The following TRPM8 variants were observed in gnomAD, a reference collection of about 807,000 sequenced individuals.
The protein encoded by TRPM8 is TRPM8 cationic channel.
Under a neutral mutation model 133.7 loss-of-function variants are expected in TRPM8, and 110 were observed. That is an observed-to-expected ratio of 0.82 (90% CI 0.70 to 0.96). The LOEUF (loss-of-function observed/expected upper bound fraction) is 0.96. TRPM8 is among the 40% of genes least tolerant of loss of function. TRPM8 has a pLI of 0.00. For missense variants in TRPM8, 1,291 were observed against 1,379.5 expected, an observed-to-expected ratio of 0.94 and a Z score of 1.02; for synonymous variants, 535 against 532.3, an observed-to-expected ratio of 1.01 and a Z score of -0.07.
chr2:233,925,922 G>A (rs1432663000), intron 1 of TRPM8, among the ~76,000 whole-genome samples: 1 of 152,020 alleles, frequency 6.6e-6, no homozygotes, highest in Non-Finnish European at 1.5e-5. Flanking sequence ...GGGAAGCATT[G>A]CATGACAGAT....
intron 9 of TRPM8, among the ~76,000 whole-genome samples, chr2:233,953,491 C>CA (rs1328165708): frequency 6.6e-6 from 1 of 152,164 alleles, no homozygotes; most frequent in Non-Finnish European, 1.5e-5. Flanking sequence ...CTCCAGTTTC[C>CA]AAGCCTTCTT....
At chr2:233,997,627 A>T (rs1220693619) in intron 22 of TRPM8, among the ~76,000 whole-genome samples, 3 of 151,696 alleles carry the variant, frequency 2.0e-5, no homozygotes, top group Non-Finnish European at 4.4e-5. Context: ...GTCACCTCTG[A>T]CCCCAACTCC....
At chr2:233,917,980 G>T (rs73118753) in intron 1 of TRPM8, among the ~76,000 whole-genome samples, 1 of 152,288 alleles carries the variant, frequency 6.6e-6, no homozygotes, top group African/African-American at 2.4e-5. Flanking sequence ...GTTGAAACAG[G>T]CTCATCATTT....
intron 24 of TRPM8, among the ~76,000 whole-genome samples, chr2:234,011,235 T>C (rs1423007379): frequency 6.6e-6 from 1 of 152,232 alleles, no homozygotes; most frequent in African/African-American, 2.4e-5. Context: ...GACTTTCCTT[T>C]CCCCACTGAT....
intron 11 of TRPM8, among the ~76,000 whole-genome samples, chr2:233,959,268 C>T (rs1439566116): frequency 1.3e-5 from 2 of 151,544 alleles, no homozygotes; most frequent in Non-Finnish European, 2.9e-5. Flanking sequence ...TCAGGTGATC[C>T]ACCCGCTTCA....
intron 3 of TRPM8, among the ~76,000 whole-genome samples, chr2:233,932,534 T>C (rs186488977): frequency 1.3e-5 from 2 of 152,236 alleles, no homozygotes; most frequent in African/African-American, 2.4e-5. Flanking sequence ...AAAGGCATGA[T>C]TCCTCAAGGA....
At chr2:234,016,295 G>A (rs1692954282) in intron 25 of TRPM8, among the ~76,000 whole-genome samples, 1 of 152,102 alleles carries the variant, frequency 6.6e-6, no homozygotes, top group Non-Finnish European at 1.5e-5. Context: ...CAGAACCACT[G>A]GTGGCCTCAG....
chr2:233,926,719 G>T, intron 2 of TRPM8, 65 bp downstream of exon 2: 2 of 1,235,932 alleles, frequency 1.6e-6, no homozygotes, highest in Non-Finnish European at 2.4e-6. Flanking sequence ...GTCAAATCCT[G>T]CATTTGCACA....
At chr2:233,944,163 G>A (rs545932546) in intron 6 of TRPM8, among the ~76,000 whole-genome samples, 47 of 152,260 alleles carry the variant, frequency 3.1e-4, no homozygotes, top group African/African-American at 1.1e-3. Context: ...TGTGCAGAGT[G>A]AATGGTAGCT....
At chr2:233,966,925 G>A (rs535191478) in intron 15 of TRPM8, among the ~76,000 whole-genome samples, 170 bp downstream of exon 15, 7 of 152,314 alleles carry the variant, frequency 4.6e-5, no homozygotes, top group Non-Finnish European at 8.8e-5. Flanking sequence ...GGCATTGGTC[G>A]AAATCCATGC....
intron 1 of TRPM8, among the ~76,000 whole-genome samples, chr2:233,925,849 GA>G (rs1234818466): frequency 2.6e-5 from 4 of 152,136 alleles, no homozygotes; most frequent in African/African-American, 9.7e-5. Context: ...GACGAGGGGA[GA>G]GGGGCCTCCT....
At chr2:233,986,814 G>T (rs1022391663) in intron 21 of TRPM8, among the ~76,000 whole-genome samples, 5 of 152,136 alleles carry the variant, frequency 3.3e-5, no homozygotes, top group Admixed American at 2.0e-4. Context: ...AAACTTGTCA[G>T]AGAAAATAAA....
chr2:233,937,181 C>A, intron 3 of TRPM8, 172 bp from the exon 4 acceptor site: 1 of 750,104 alleles, frequency 1.3e-6, no homozygotes, highest in Non-Finnish European at 2.1e-6. Flanking sequence ...CAGGCGTGAG[C>A]CACCGCACCC....
intron 24 of TRPM8, among the ~76,000 whole-genome samples, chr2:234,012,475 G>T (rs1244883635): frequency 1.4e-5 from 1 of 73,276 alleles, no homozygotes; most frequent in Non-Finnish European, 2.5e-5. Context: ...GTGTGTGTGA[G>T]AGTGTGTGTG....
At chr2:233,963,544 G>C (rs1430059098) in intron 13 of TRPM8, among the ~76,000 whole-genome samples, 167 bp downstream of exon 13, 5 of 152,206 alleles carry the variant, frequency 3.3e-5, no homozygotes, top group Non-Finnish European at 7.3e-5. Flanking sequence ...GAGTGCTTGG[G>C]AGGGACCGTC....
rs1693003049 is a variant in TRPM8 at position 234,018,183 on chromosome 2, A to G, written c.*927A>G. The G allele has an allele frequency of 6.6e-6, 1 of 152,108 alleles. No homozygotes were observed. The highest frequency in any genetic ancestry group is 6.5e-5 in the Admixed American group (1 of 15,272). The allele number at this position is 152,108 out of a possible 1,614,324, so 9.4% of individuals were successfully genotyped here. Reference sequence around the variant, plus strand: ...TTTACAGAATGTTATCATACTACATATATACTTTTTATGTAAGCTTTTTCA... The same window carrying G: ...TTTACAGAATGTTATCATACTACATGTATACTTTTTATGTAAGCTTTTTCA... On this transcript the variant is annotated 3_prime_UTR_variant, in exon 26 of 26. Transcript: ENST00000324695.
At chr2:233,963,492 C>A in intron 13 of TRPM8, 115 bp downstream of exon 13, 1 of 635,372 alleles carries the variant, frequency 1.6e-6, no homozygotes, top group Non-Finnish European at 2.7e-6. Flanking sequence ...AATGGGATGT[C>A]TGAGTTCAGA....
chr2:233,956,798 A>G (rs1174973575), intron 11 of TRPM8, among the ~76,000 whole-genome samples: 2 of 152,244 alleles, frequency 1.3e-5, no homozygotes, highest in African/African-American at 4.8e-5. Context: ...TTGCAGCACA[A>G]TGAACCCCGC....
Position 233,989,040 on chromosome 2 carries a change from C to A in TRPM8, c.2939+3175C>A, listed in dbSNP as rs574143409. On this transcript the variant is annotated intron_variant, in intron 21 of 25. Coordinates refer to ENST00000324695, the MANE Select transcript of TRPM8 (RefSeq NM_024080.5). The surrounding 1 kb of genome is among the most constrained non-coding windows in gnomAD (Gnocchi z 4.2). ...ATTTACAGACATTAAACAAAAAGACCAACAGCTCCTAAAACCATGGCCTTT... is the reference window on the plus strand; with the variant it reads ...ATTTACAGACATTAAACAAAAAGACAAACAGCTCCTAAAACCATGGCCTTT... Among the ~76,000 whole-genome samples the A allele has an allele frequency of 1.3e-5, 2 of 152,286 alleles. No individual in the cohort carries two copies. Among genetic ancestry groups the A allele is most frequent in the South Asian group, 4.1e-4 (2 of 4,828 alleles).
Sources: allele counts gnomAD v4.1 joint callset (sites outside exome capture counted in the v4.1 genomes callset), GRCh38; gene constraint gnomAD v4.1.1; non-coding constraint Gnocchi (gnomAD v3.1); transcripts MANE v1.5; gene names NCBI Gene and HGNC (gene_info 2026-07-23, HGNC 2026-07-21).